The following NLGN1 variants were observed in gnomAD, a reference collection of about 807,000 sequenced individuals.
NLGN1 encodes neuroligin 1, also known as neuroligin-1.
In NLGN1, 12 loss-of-function variants were observed where a neutral mutation model predicts 65.5. The ratio of observed to expected loss-of-function variants is 0.18; its 90% confidence interval spans 0.12 to 0.30. The LOEUF is 0.30. Among genes scored for constraint, NLGN1 ranks in the 10% least tolerant of loss-of-function variants. The pLI, the probability that NLGN1 is intolerant of heterozygous loss-of-function variation, is 1.00. For synonymous variants in NLGN1, 350 were observed against 359.5 expected (o/e 0.97, Z 0.30); for missense variants, 750 against 1,007.1 (o/e 0.74, Z 3.46).
At chr3:174,089,019 C>G (rs942894972) in intron 4 of NLGN1, among the ~76,000 whole-genome samples, 5 of 151,962 alleles carry the variant, frequency 3.3e-5, no homozygotes, top group African/African-American at 4.8e-5. Flanking sequence ...CCTAAATGCT[C>G]TCACTTCTGA....
intron 2 of NLGN1, among the ~76,000 whole-genome samples, chr3:173,493,811 T>C (rs1034480307): frequency 4.6e-5 from 7 of 151,526 alleles, no homozygotes; most frequent in Non-Finnish European, 8.8e-5. Context: ...ATTTGACATG[T>C]GTAAATGATT....
intron 4 of NLGN1, among the ~76,000 whole-genome samples, chr3:173,993,645 C>G (rs896797047): frequency 5.1e-5 from 6 of 117,440 alleles, no homozygotes; most frequent in Non-Finnish European, 8.7e-5. Flanking sequence ...AGAAAGATAG[C>G]TAGATAGATG....
intron 2 of NLGN1, among the ~76,000 whole-genome samples, chr3:173,550,460 A>T (rs1042109642): frequency 6.6e-6 from 1 of 152,150 alleles, no homozygotes; most frequent in African/African-American, 2.4e-5. Flanking sequence ...GAAATAACCC[A>T]CATGAATTCA....
In NLGN1 at chr3:173,416,270, T is replaced by C. The variant is rs75186590; in HGVS notation, c.-390+17783T>C. ...TAACCTCATGCAAGCTCCTTATCCC[T>C]CTAAGCCTCATTTCTTCATTTGCAA... On this transcript the variant is annotated intron_variant, in intron 1 of 6. Transcript: ENST00000457714. Among the ~76,000 whole-genome samples, 115 of 152,302 alleles carry C rather than the reference T, an allele frequency of 7.6e-4. 1 individual carries two copies. The highest frequency in any genetic ancestry group is 2.7e-3 in the African/African-American group (113 of 41,572).
At chr3:173,525,170 C>G (rs909940102) in intron 2 of NLGN1, among the ~76,000 whole-genome samples, 1 of 152,072 alleles carries the variant, frequency 6.6e-6, no homozygotes, top group African/African-American at 2.4e-5. Context: ...AAAATTGGTA[C>G]CAGCTCCTTT....
chr3:173,451,007 A>T (rs998092333), intron 2 of NLGN1, among the ~76,000 whole-genome samples: 17 of 151,602 alleles, frequency 1.1e-4, no homozygotes, highest in Non-Finnish European at 1.9e-4. Context: ...ATTGTTTCGA[A>T]CTTCCTCCTT....
intron 3 of NLGN1, among the ~76,000 whole-genome samples, chr3:173,607,925 A>G (rs1751641841): frequency 6.6e-6 from 1 of 151,830 alleles, no homozygotes; most frequent in East Asian, 1.9e-4. Context: ...ACCTGCAGAG[A>G]CAGATGGACT....
intron 2 of NLGN1, among the ~76,000 whole-genome samples, chr3:173,562,772 T>C (rs1207429040): frequency 1.3e-5 from 2 of 152,214 alleles, no homozygotes; most frequent in African/African-American, 2.4e-5. Flanking sequence ...CTTATCTGTT[T>C]ATACTCACTC....
At chr3:173,540,018 A>G (rs1738561767) in intron 2 of NLGN1, among the ~76,000 whole-genome samples, 1 of 151,706 alleles carries the variant, frequency 6.6e-6, no homozygotes, top group African/African-American at 2.4e-5. Context: ...GACCCAGTTT[A>G]TGATGGGCAG....
chr3:173,748,905 C>T (rs568275475), intron 3 of NLGN1, among the ~76,000 whole-genome samples: 1 of 152,128 alleles, frequency 6.6e-6, no homozygotes, highest in East Asian at 1.9e-4. Flanking sequence ...CACCTTGATA[C>T]TACCCCTGGA....
At chr3:174,140,462 A>G (rs1722072897) in intron 4 of NLGN1, among the ~76,000 whole-genome samples, 1 of 152,118 alleles carries the variant, frequency 6.6e-6, no homozygotes, top group Non-Finnish European at 1.5e-5. Flanking sequence ...TATATGAATT[A>G]TTTTATTCAG....
chr3:173,743,503 C>T (rs983394764), intron 3 of NLGN1, among the ~76,000 whole-genome samples: 3 of 152,144 alleles, frequency 2.0e-5, no homozygotes, highest in Non-Finnish European at 2.9e-5. Flanking sequence ...TAATATATCA[C>T]AGCATTTGCT....
chr3:174,025,487 C>A (rs1728653115), intron 4 of NLGN1, among the ~76,000 whole-genome samples: 1 of 151,950 alleles, frequency 6.6e-6, no homozygotes, highest in African/African-American at 2.4e-5. Context: ...ACAGAATATA[C>A]AAAGAATGCA....
chr3:173,795,004 C>T (rs1039439880), intron 3 of NLGN1, among the ~76,000 whole-genome samples: 4 of 151,848 alleles, frequency 2.6e-5, no homozygotes, highest in African/African-American at 9.7e-5. Context: ...GTGCTCTTAC[C>T]TCTGAAAAAC....
chr3:173,407,094 A>G (rs1195506594), intron 1 of NLGN1, among the ~76,000 whole-genome samples: 1 of 152,210 alleles, frequency 6.6e-6, no homozygotes, highest in Non-Finnish European at 1.5e-5. Context: ...CTAGGTTTCA[A>G]GATGGAGAGT....
chr3:173,734,508 T>TG (rs1773427997), intron 3 of NLGN1, among the ~76,000 whole-genome samples: 1 of 148,884 alleles, frequency 6.7e-6, no homozygotes. Flanking sequence ...GTCGTTCTCC[T>TG]GCCTCAGTCT....
intron 2 of NLGN1, among the ~76,000 whole-genome samples, chr3:173,525,891 T>C (rs889655869): frequency 6.6e-6 from 1 of 152,118 alleles, no homozygotes; most frequent in Non-Finnish European, 1.5e-5. Context: ...CTTAGTTTTC[T>C]TGTACTTGAG....
intron 4 of NLGN1, among the ~76,000 whole-genome samples, chr3:174,024,561 A>G (rs1301495544): frequency 6.6e-6 from 1 of 152,198 alleles, no homozygotes; most frequent in East Asian, 1.9e-4. Context: ...CAGGACTGTA[A>G]TTTGTATGTG....
intron 4 of NLGN1, among the ~76,000 whole-genome samples, chr3:174,157,397 A>G (rs1725635352): frequency 6.6e-6 from 1 of 151,882 alleles, no homozygotes; most frequent in South Asian, 2.1e-4. Flanking sequence ...TGTGCTTATT[A>G]ATAAGTATTA....
Sources: allele counts gnomAD v4.1 joint callset (sites outside exome capture counted in the v4.1 genomes callset), GRCh38; gene constraint gnomAD v4.1.1; transcripts MANE v1.5; gene names NCBI Gene and HGNC (gene_info 2026-07-23, HGNC 2026-07-21).